Variants in GIMAP8 observed in about 807,000 individuals in gnomAD.
GIMAP8 encodes the protein GTPase IMAP family member 8.
In GIMAP8, 29 loss-of-function variants were observed where a neutral mutation model predicts 35.6. That is an observed-to-expected ratio of 0.81 (90% CI 0.61 to 1.11). The LOEUF (loss-of-function observed/expected upper bound fraction) is 1.11, where lower values mean the gene tolerates loss of function less well. Ranked by LOEUF, GIMAP8 falls within the 50% of genes most tolerant of loss-of-function variation. The pLI, the probability that GIMAP8 is intolerant of heterozygous loss-of-function variation, is 0.00. For synonymous variants in GIMAP8, 335 were observed against 308.7 expected (o/e 1.09, Z -0.89); for missense variants, 811 against 805.0 (o/e 1.01, Z -0.09).
chr7:150,458,419 C>G (rs1801776046), intron 1 of GIMAP8, among the ~76,000 whole-genome samples: 1 of 152,134 alleles, frequency 6.6e-6, no homozygotes, highest in Admixed American at 6.5e-5. Context: ...TGAGGCCCAC[C>G]CCCACAAGTG....
chr7:150,477,688 A>G lies in GIMAP8; in HGVS notation c.1906A>G (p.Thr636Ala). The G allele has an allele frequency of 1.2e-6, 2 of 1,614,222 alleles. No homozygotes were observed. Among genetic ancestry groups the G allele is most frequent in the South Asian group, 2.2e-5 (2 of 91,090 alleles). ...AAGTGGGTGGTCCGGGTATCCCCAT[A>G]CACAGGAGAACGTCAGCAAACTAAT... Reference protein sequence around the residue: ...KESGWSGYPHTQENVSKLIKN... With the variant: ...KESGWSGYPHAQENVSKLIKN... The change falls in exon 5 of 5, where the codon ACA becomes GCA. Residue 636 changes from threonine (T) to alanine (A), a missense_variant. Physicochemically the swap from Thr to Ala is moderately conservative, Grantham distance 58. Transcript: ENST00000307271.
chr7:150,452,257 G>T (rs1473818557), intron 1 of GIMAP8, among the ~76,000 whole-genome samples: 2 of 151,976 alleles, frequency 1.3e-5, no homozygotes, highest in East Asian at 3.9e-4. Context: ...CTACATGTTG[G>T]GGTGAAGTGC....
At chr7:150,468,397 A>C (rs957608892) in intron 2 of GIMAP8, among the ~76,000 whole-genome samples, 1 of 152,196 alleles carries the variant, frequency 6.6e-6, no homozygotes, top group Admixed American at 6.5e-5. Context: ...CATAAGAAAC[A>C]AAGCACTCCT....
At chr7:150,460,805 C>A (rs147076004) in intron 1 of GIMAP8, among the ~76,000 whole-genome samples, 10 of 152,296 alleles carry the variant, frequency 6.6e-5, no homozygotes, top group Non-Finnish European at 1.2e-4. Context: ...CCTACTTAGG[C>A]CCAATCTCAT....
At position 150,473,125 on chromosome 7, in the gene GIMAP8, A is replaced by G. The variant is rs567005308; in HGVS notation, c.683-887A>G. Among the ~76,000 whole-genome samples the G allele has an allele frequency of 2.0e-5, 3 of 152,298 alleles. No individual in the cohort carries two copies. The East Asian group carries it at 5.8e-4, about 29-fold the overall frequency. On this transcript the variant is annotated intron_variant, in intron 3 of 4. Transcript: ENST00000307271. ...ACTTGCTGCTCAGACCCTTCCCACG[A>G]AGGCTGTTGATGACTCAGCCTCAGA... is the stretch of plus-strand genomic sequence containing the variant.
Position 150,477,567 on chromosome 7 carries a change from G to T in GIMAP8, c.1785G>T (p.Gly595=), listed in dbSNP as rs756990179. The part of the protein sequence containing the change: ...KALRRIFKKC[G]RRVCAFNNKE... ...TTCGGCGCATTTTTAAAAAGTGTGG[G>T]CGGCGAGTTTGTGCTTTTAACAACA... The change falls in exon 5 of 5, where the codon GGG becomes GGT. Residue 595 remains glycine (G), a synonymous_variant. Transcript: ENST00000307271. 2.7e-5 allele frequency: 43 copies of T among 1,614,020 alleles called. No homozygotes were observed. In the South Asian group the frequency reaches 4.5e-4, roughly 17 times the overall value.
intron 3 of GIMAP8, among the ~76,000 whole-genome samples, chr7:150,473,156 C>T (rs1005883714): frequency 1.3e-5 from 2 of 152,270 alleles, no homozygotes; most frequent in Non-Finnish European, 2.9e-5. Flanking sequence ...TCAGAGAAAG[C>T]TCCCTGCAGT....
At chr7:150,476,945 A>AT in intron 4 of GIMAP8, 147 bp from the exon 5 acceptor site, 2 of 631,800 alleles carry the variant, frequency 3.2e-6, no homozygotes, top group Non-Finnish European at 5.5e-6. Context: ...GTGTTTGGAG[A>AT]TCCCCCTGCT....
intron 2 of GIMAP8, among the ~76,000 whole-genome samples, chr7:150,468,574 C>T (rs932457277): frequency 1.3e-5 from 2 of 152,164 alleles, no homozygotes; most frequent in African/African-American, 4.8e-5. Flanking sequence ...TCTATATTGA[C>T]TCCTACAGAT....
Position 150,478,477 on chromosome 7 carries a change from G to C in GIMAP8, c.*697G>C, listed in dbSNP as rs1354715971. ...TATTGCTAATTATCACAGTGACATA[G>C]ACTAGAACAGAAATTAGAAGCATAG... On this transcript the variant is annotated 3_prime_UTR_variant, in exon 5 of 5. Transcript: ENST00000307271. 6.6e-6 allele frequency: 1 copy of C among 152,224 alleles called. No homozygotes were observed. The highest frequency in any genetic ancestry group is 1.5e-5 in the Non-Finnish European group (1 of 68,048). The allele number at this position is 152,224 out of a possible 1,614,324, so 9.4% of individuals were successfully genotyped here. A position where few individuals can be genotyped will look rare whatever the true frequency, so the allele number is the denominator to read the frequency against.
chr7:150,459,208 T>C (rs187646063), intron 1 of GIMAP8, among the ~76,000 whole-genome samples: 110 of 152,328 alleles, frequency 7.2e-4, no homozygotes, highest in African/African-American at 2.6e-3. Context: ...CCATATTCTT[T>C]CTTACCTCCA....
intron 1 of GIMAP8, among the ~76,000 whole-genome samples, chr7:150,455,244 A>G (rs1314366007): frequency 6.6e-6 from 1 of 152,242 alleles, no homozygotes; most frequent in Non-Finnish European, 1.5e-5. Flanking sequence ...TATAAATGCA[A>G]TGCAATGGCA....
rs180888093 is a variant in GIMAP8 at position 150,477,292 on chromosome 7, G to A, written c.1510G>A (p.Glu504Lys). The change falls in exon 5 of 5, where the codon GAA becomes AAA. Residue 504 changes from glutamate (E) to lysine (K), a missense_variant. Glu to Lys is a moderately conservative substitution (Grantham distance 56). Transcript: ENST00000307271. The part of the protein sequence containing the change: ...TPSFNQMLDV[E>K]KDPSRLEEEV... ...TTCCTTCAACCAGATGCTGGATGTCGAAAAGGACCCATCCCGGTTAGAAGA... is the reference window on the plus strand; with the variant it reads ...TTCCTTCAACCAGATGCTGGATGTCAAAAAGGACCCATCCCGGTTAGAAGA... 111 of 1,614,130 alleles carry A rather than the reference G, an allele frequency of 6.9e-5. No individual in the cohort carries two copies. The highest frequency in any genetic ancestry group is 1.6e-4 in the Middle Eastern group (1 of 6,062).
intron 1 of GIMAP8, among the ~76,000 whole-genome samples, chr7:150,461,597 A>G (rs931692479): frequency 7.2e-5 from 11 of 151,944 alleles, no homozygotes; most frequent in Non-Finnish European, 1.0e-4. Flanking sequence ...CTCTCATTCT[A>G]TGTGCTTTAC....
chr7:150,467,685 C>T (rs569918506), intron 2 of GIMAP8, among the ~76,000 whole-genome samples: 1 of 152,260 alleles, frequency 6.6e-6, no homozygotes, highest in South Asian at 2.1e-4. Flanking sequence ...CTTTTTCTGG[C>T]TATTCCAAAG....
chr7:150,452,653 ATG>A (rs1240322026), intron 1 of GIMAP8, among the ~76,000 whole-genome samples: 1,324 of 123,400 alleles, frequency 0.011, 23 homozygotes, highest in African/African-American at 0.035. Flanking sequence ...ATGTGTGTAT[ATG>A]TGTGTGTGTG....
At chr7:150,468,984 G>A (rs1246123496) in intron 2 of GIMAP8, among the ~76,000 whole-genome samples, 1 of 152,158 alleles carries the variant, frequency 6.6e-6, no homozygotes, top group Non-Finnish European at 1.5e-5. Context: ...GCATGGAACA[G>A]GGATGTTAAT....
At chr7:150,470,916 CTTTT>C in intron 3 of GIMAP8, 42 bp downstream of exon 3, 2 of 1,367,758 alleles carry the variant, frequency 1.5e-6, no homozygotes, top group Non-Finnish European at 2.1e-6. Flanking sequence ...CACTTGTATT[CTTTT>C]GAATGCATTC....
At chr7:150,458,561 A>T (rs1035181751) in intron 1 of GIMAP8, among the ~76,000 whole-genome samples, 2 of 152,162 alleles carry the variant, frequency 1.3e-5, no homozygotes, top group Non-Finnish European at 2.9e-5. Flanking sequence ...TGACTCACAA[A>T]ATTAACCAGC....
Sources: allele counts gnomAD v4.1 joint callset (sites outside exome capture counted in the v4.1 genomes callset), GRCh38; gene constraint gnomAD v4.1.1; transcripts MANE v1.5; gene names NCBI Gene and HGNC (gene_info 2026-07-23, HGNC 2026-07-21).